ASB18: variants seen among roughly 807,000 people sequenced by gnomAD.
ASB18 encodes ankyrin repeat and SOCS box containing 18, also known as ankyrin repeat and SOCS box protein 18.
ASB18 carries 33 observed loss-of-function variants against 33.4 expected under a neutral mutation model. The observed-to-expected ratio is 0.99, with a 90% CI of 0.75 to 1.32. ASB18 has a LOEUF of 1.32. Ranked by LOEUF, ASB18 falls within the 40% of genes most tolerant of loss-of-function variation. The pLI, the probability that ASB18 is intolerant of heterozygous loss-of-function variation, is 0.00. For synonymous variants in ASB18, 295 were observed against 307.6 expected (o/e 0.96, Z 0.43); for missense variants, 694 against 655.5 (o/e 1.06, Z -0.64).
rs1478970448 is a variant in ASB18, at chr2:236,226,688, A to G, written c.596+11001T>C. On this transcript the variant is annotated intron_variant, in intron 3 of 5. Coordinates refer to ENST00000409749, the MANE Select transcript of ASB18 (RefSeq NM_212556.4). The surrounding 1 kb of genome is among the most constrained non-coding windows in gnomAD (Gnocchi z 4.8). ...TTGGCGTCTCTTCAGCAGTGTTGCAATGATTCACAGCATTTTGTGTTTATT... is the reference window on the plus strand; with the variant it reads ...TTGGCGTCTCTTCAGCAGTGTTGCAGTGATTCACAGCATTTTGTGTTTATT... Among the ~76,000 whole-genome samples, 1 of 152,216 alleles carries G rather than the reference A, an allele frequency of 6.6e-6. No homozygotes were observed. The highest frequency in any genetic ancestry group is 2.4e-5 in the African/African-American group (1 of 41,462).
In ASB18 at chr2:236,194,829, G is replaced by T; in HGVS notation, c.*43C>A. 2 of 1,542,962 alleles carry T rather than the reference G, an allele frequency of 1.3e-6. No individual in the cohort carries two copies. The highest frequency in any genetic ancestry group is 1.8e-6 in the Non-Finnish European group (2 of 1,131,758). ...CTCCAACACACGGCCTCCATGGAAG[G>T]TCAGCGAGGAGAACAACAGTATTGG... On this transcript the variant is annotated 3_prime_UTR_variant, in exon 6 of 6. Coordinates refer to ENST00000409749, the MANE Select transcript of ASB18 (RefSeq NM_212556.4). The surrounding 1 kb of genome is among the most constrained non-coding windows in gnomAD (Gnocchi z 4.5).
In ASB18 at chr2:236,220,025, C is replaced by T. The variant is rs565754308; in HGVS notation, c.597-5159G>A. Among the ~76,000 whole-genome samples the T allele has an allele frequency of 2.0e-5, 3 of 152,116 alleles. No individual in the cohort carries two copies. The highest frequency in any genetic ancestry group is 1.9e-4 in the East Asian group (1 of 5,194). On this transcript the variant is annotated intron_variant, in intron 3 of 5. Coordinates refer to ENST00000409749, the MANE Select transcript of ASB18 (RefSeq NM_212556.4). The surrounding 1 kb of genome is among the most constrained non-coding windows in gnomAD (Gnocchi z 5.1). ...TCTCTGGGTGCCTCATCTCTGTTTT[C>T]GATAATGACTGCAATGACAGGTTGT... is the stretch of plus-strand genomic sequence containing the variant.
At position 236,215,343 on chromosome 2, in the gene ASB18, T is replaced by G. The variant is rs1434150907; in HGVS notation, c.597-477A>C. 1.3e-5 allele frequency among the ~76,000 whole-genome samples: 2 copies of G among 152,084 alleles called. No homozygotes were observed. The highest frequency in any genetic ancestry group is 6.6e-5 in the Admixed American group (1 of 15,264). On this transcript the variant is annotated intron_variant, in intron 3 of 5. Coordinates refer to ENST00000409749, the MANE Select transcript of ASB18 (RefSeq NM_212556.4). The surrounding 1 kb of genome is among the most constrained non-coding windows in gnomAD (Gnocchi z 7.2). Reference sequence around the variant, plus strand: ...GTGAGGGTGTGAGGCAAGCCTTGCCTTGCACCACGAAGGGACTTTCCCCAT... The same window carrying G: ...GTGAGGGTGTGAGGCAAGCCTTGCCGTGCACCACGAAGGGACTTTCCCCAT...
Position 236,196,461 on chromosome 2 carries a change from G to A in ASB18, c.1102-76C>T. ...TCAGTGGGGAAAGGGTGGGGGGTGTGGGGGGATGCTCTCCCTAGCTGTGTG... is the reference window on the plus strand; with the variant it reads ...TCAGTGGGGAAAGGGTGGGGGGTGTAGGGGGATGCTCTCCCTAGCTGTGTG... On this transcript the variant is annotated intron_variant, in intron 4 of 5. Transcript: ENST00000409749. This position sits in a 1 kb window ranked among gnomAD's most constrained non-coding sequence, Gnocchi z 5.6. 1 of 767,984 alleles carries A rather than the reference G, an allele frequency of 1.3e-6. No individual in the cohort carries two copies. The highest frequency in any genetic ancestry group is 2.1e-5 in the Admixed American group (1 of 48,318). The allele number at this position is 767,984 out of a possible 1,614,324, so 47.6% of individuals were successfully genotyped here.
In ASB18 at chr2:236,259,950, T is replaced by C. The variant is rs560115198; in HGVS notation, c.205+4191A>G. 3.9e-5 allele frequency among the ~76,000 whole-genome samples: 6 copies of C among 152,210 alleles called. No homozygotes were observed. The highest frequency in any genetic ancestry group is 8.8e-5 in the Non-Finnish European group (6 of 68,036). On this transcript the variant is annotated intron_variant, in intron 1 of 5. Transcript: ENST00000409749. The surrounding 1 kb of genome is among the most constrained non-coding windows in gnomAD (Gnocchi z 4.4). ...TCTCCAGAAAAAGCCCTTTCCACCA[T>C]TGGATGCCACTTTTTCTCTATGCTT...
chr2:236,227,859 G>A (rs1456844452), intron 3 of ASB18, among the ~76,000 whole-genome samples: 1 of 152,172 alleles, frequency 6.6e-6, no homozygotes, highest in East Asian at 1.9e-4. Flanking sequence ...CTGGTCCAAT[G>A]TTTGACACAT....
intron 3 of ASB18, among the ~76,000 whole-genome samples, chr2:236,232,560 G>A (rs908766146): frequency 1.3e-5 from 2 of 151,938 alleles, no homozygotes; most frequent in African/African-American, 4.8e-5. Flanking sequence ...AAGACTTATT[G>A]GGGGGAAAAG....
chr2:236,196,291 A>G lies in ASB18; in HGVS notation c.1196T>C (p.Ile399Thr), dbSNP rs1230713527. Residue 399 changes from isoleucine (I) to threonine (T), a missense_variant, in exon 5 of 6, where the codon ATT (isoleucine) becomes ACT (threonine). By Grantham distance (89) the Ile-to-Thr change is moderately conservative. Coordinates refer to ENST00000409749, the MANE Select transcript of ASB18 (RefSeq NM_212556.4). This position sits in a 1 kb window ranked among gnomAD's most constrained non-coding sequence, Gnocchi z 5.6. ...TCTTGCCTGGAATACTTCCTCAGGA[A>G]TCACTTCCTTCCAGGACTCTGACAA... ...LCLSESWKEV[I>T]PEEVFQMHKP... is the part of the protein sequence containing the mutation. 1 of 1,554,620 alleles carries G rather than the reference A, an allele frequency of 6.4e-7. No homozygotes were observed. The highest frequency in any genetic ancestry group is 8.7e-7 in the Non-Finnish European group (1 of 1,147,172).
chr2:236,247,594 G>A (rs1249117291), intron 1 of ASB18: 1 of 152,148 alleles, frequency 6.6e-6, no homozygotes, highest in African/African-American at 2.4e-5. Flanking sequence ...TCTATAGCTT[G>A]CTTGGGTCAA....
At chr2:236,240,531 T>C (rs969506041) in intron 2 of ASB18, among the ~76,000 whole-genome samples, 3 of 152,350 alleles carry the variant, frequency 2.0e-5, no homozygotes, top group African/African-American at 7.2e-5. Context: ...TTGGTAAATA[T>C]GTTGCATCTG....
intron 4 of ASB18, among the ~76,000 whole-genome samples, chr2:236,197,902 G>A (rs776065306): frequency 6.6e-6 from 1 of 151,882 alleles, no homozygotes; most frequent in African/African-American, 2.4e-5. Context: ...CTCTTTTTGA[G>A]GTCTAAGATT....
chr2:236,206,053 A>G (rs2060431165), intron 4 of ASB18, among the ~76,000 whole-genome samples: 1 of 152,218 alleles, frequency 6.6e-6, no homozygotes, highest in South Asian at 2.1e-4. Context: ...CTTTCAGTGC[A>G]GCTAAGTTTT....
In ASB18 at chr2:236,205,647, C is replaced by T. The variant is rs2060428887; in HGVS notation, c.1101+8715G>A. Among the ~76,000 whole-genome samples the T allele has an allele frequency of 6.6e-6, 1 of 152,192 alleles. No individual in the cohort carries two copies. The highest frequency in any genetic ancestry group is 6.5e-5 in the Admixed American group (1 of 15,268). On this transcript the variant is annotated intron_variant, in intron 4 of 5. Transcript: ENST00000409749. This position sits in a 1 kb window ranked among gnomAD's most constrained non-coding sequence, Gnocchi z 5.4. ...TGCCTAGTATATTGCTGGGACATGA[C>T]TGGTGCTCAGCAAATACTTTTTGAT... is the stretch of plus-strand genomic sequence containing the variant.
At position 236,214,662 on chromosome 2, in the gene ASB18, G is replaced by A. The variant is rs1193165489; in HGVS notation, c.801C>T (p.Asp267=). 20 of 1,149,080 alleles carry A rather than the reference G, an allele frequency of 1.7e-5. No homozygotes were observed. The highest frequency in any genetic ancestry group is 2.1e-5 in the Non-Finnish European group (20 of 936,542). The allele number at this position is 1,149,080 out of a possible 1,614,324, so 71.2% of individuals were successfully genotyped here. A position where few individuals can be genotyped will look rare whatever the true frequency, so the allele number is the denominator to read the frequency against. Residue 267 remains aspartate, a synonymous_variant, in exon 4 of 6, where the codon GAC becomes GAT. Transcript: ENST00000409749. The surrounding 1 kb of genome is among the most constrained non-coding windows in gnomAD (Gnocchi z 6.5). Reference sequence around the variant, plus strand: ...ACAGGCGCAGGCAGCGCCCGTGCTCGTCGGGCCTCCGCGCCGCACCGCAGG... The same window carrying A: ...ACAGGCGCAGGCAGCGCCCGTGCTCATCGGGCCTCCGCGCCGCACCGCAGG... ...SAACGAARRP[D]EHGRCLRLCA... is the part of the protein sequence containing the mutation.
rs1211623878 is a variant in ASB18 at position 236,209,674 on chromosome 2, T to A, written c.1101+4688A>T. Among the ~76,000 whole-genome samples the A allele has an allele frequency of 1.3e-5, 2 of 152,224 alleles. No individual in the cohort carries two copies. Among genetic ancestry groups the A allele is most frequent in the African/African-American group, 4.8e-5 (2 of 41,456 alleles). ...TTCCATCAGCCCCCTACCTGGTGTG[T>A]TCTCTACGTCGAGCTTAGAAATTCC... On this transcript the variant is annotated intron_variant, in intron 4 of 5. Transcript: ENST00000409749. The surrounding 1 kb of genome is among the most constrained non-coding windows in gnomAD (Gnocchi z 4.4).
Position 236,203,578 on chromosome 2 carries a change from C to A in ASB18, c.1102-7193G>T, listed in dbSNP as rs2060417176. Among the ~76,000 whole-genome samples the A allele has an allele frequency of 6.6e-6, 1 of 152,260 alleles. No homozygotes were observed. Among genetic ancestry groups the A allele is most frequent in the African/African-American group, 2.4e-5 (1 of 41,556 alleles). ...GGTCTGATTTTAATTTTAGAAATAT[C>A]ACCAAGGCTGGGTGTGGTGGCTCAT... On this transcript the variant is annotated intron_variant, in intron 4 of 5. Transcript: ENST00000409749. The surrounding 1 kb of genome is among the most constrained non-coding windows in gnomAD (Gnocchi z 6.0).
In ASB18 at chr2:236,264,159, G is replaced by A. The variant is rs746968566; in HGVS notation, c.187C>T (p.Pro63Ser). The part of the protein sequence containing the change: ...DWMKDPSAQL[P>S]TGMLLGDLDH... The stretch of plus-strand genomic sequence containing the variant: ...TGGTTACCTAGCAGCATGCCGGTGG[G>A]CAGCTGAGCCGAGGGGTCTTTCATC... Residue 63 changes from proline (P) to serine (S), a missense_variant, in exon 1 of 6, where the codon CCC (proline) becomes TCC (serine). Transcript: ENST00000409749. The surrounding 1 kb of genome is among the most constrained non-coding windows in gnomAD (Gnocchi z 5.1). 2.9e-5 allele frequency: 46 copies of A among 1,613,778 alleles called. No individual in the cohort carries two copies. The highest frequency in any genetic ancestry group is 3.6e-5 in the Non-Finnish European group (42 of 1,179,818).
rs2060676048 is a variant in ASB18, at chr2:236,253,305, G to A, written c.205+10836C>T. ...AGAGTTTCTCAAGCACCCGAGGTGA[G>A]GGACCAGGGATTTTCTTTTCTGAGT... On this transcript the variant is annotated intron_variant, in intron 1 of 5. Transcript: ENST00000409749. The surrounding 1 kb of genome is among the most constrained non-coding windows in gnomAD (Gnocchi z 5.4). Among the ~76,000 whole-genome samples, 3 of 152,188 alleles carry A rather than the reference G, an allele frequency of 2.0e-5. No homozygotes were observed. Among genetic ancestry groups the A allele is most frequent in the South Asian group, 2.1e-4 (1 of 4,832 alleles).
intron 1 of ASB18, among the ~76,000 whole-genome samples, chr2:236,242,197 C>T (rs1203196881): frequency 6.6e-6 from 1 of 152,158 alleles, no homozygotes; most frequent in Non-Finnish European, 1.5e-5. Context: ...AACCCATGTG[C>T]GTCTGTCTCA....
Sources: gnomAD v4.1 joint callset for allele counts (sites outside exome capture counted in the v4.1 genomes callset) on GRCh38, gnomAD v4.1.1 for gene constraint, Gnocchi (gnomAD v3.1) non-coding constraint, MANE v1.5 for transcripts, NCBI Gene and HGNC (gene_info 2026-07-23, HGNC 2026-07-21) for gene names.